The following DHX9 variants were observed in gnomAD, a reference collection of about 807,000 sequenced individuals.
The protein encoded by DHX9 is ATP-dependent RNA helicase A.
In DHX9, 27 loss-of-function variants were observed where a neutral mutation model predicts 148.7. That is an observed-to-expected ratio of 0.18 (90% CI 0.13 to 0.25). The LOEUF is 0.25. DHX9 is among the 10% of genes least tolerant of loss of function. DHX9 has a pLI of 1.00. For synonymous variants in DHX9, 529 were observed against 516.6 expected (o/e 1.02, Z -0.33); for missense variants, 796 against 1,559.6 (o/e 0.51, Z 8.25).
At chr1:182,848,584 G>C (rs1208805037) in intron 3 of DHX9, among the ~76,000 whole-genome samples, 1 of 151,966 alleles carries the variant, frequency 6.6e-6, no homozygotes, top group Non-Finnish European at 1.5e-5. Flanking sequence ...TTTTTTGGTT[G>C]ACTGAGTAAA....
chr1:182,842,406 C>T (rs1349714992), intron 1 of DHX9, 139 bp from the exon 2 acceptor site: 2 of 523,712 alleles, frequency 3.8e-6, no homozygotes, highest in African/African-American at 3.9e-5. Context: ...CCAATTATGT[C>T]GTTAAAATTT....
chr1:182,884,232 C>T (rs1441176379), intron 26 of DHX9, among the ~76,000 whole-genome samples: 2 of 152,128 alleles, frequency 1.3e-5, no homozygotes, highest in Non-Finnish European at 2.9e-5. Flanking sequence ...TATCACGCCA[C>T]TGCACTCCAG....
chr1:182,874,433 T>G (rs1264647708), intron 15 of DHX9, among the ~76,000 whole-genome samples: 2 of 152,226 alleles, frequency 1.3e-5, no homozygotes, highest in Non-Finnish European at 2.9e-5. Flanking sequence ...TCAACAGATC[T>G]TCCAGTCCTT....
In DHX9 at chr1:182,854,103, G is replaced by A; in HGVS notation, c.551G>A (p.Arg184His). The A allele has an allele frequency of 1.2e-6, 2 of 1,613,540 alleles. No homozygotes were observed. The highest frequency in any genetic ancestry group is 1.7e-6 in the Non-Finnish European group (2 of 1,179,806). ...GNWTLENAKA[R>H]LNQYFQKEKI... is the part of the protein sequence containing the mutation. ...TGGACCTTGGAAAATGCTAAAGCTCGTCTAAACCAATATTTTCAGAAAGAA... is the reference window on the plus strand; with the variant it reads ...TGGACCTTGGAAAATGCTAAAGCTCATCTAAACCAATATTTTCAGAAAGAA... The change falls in exon 6 of 28, where the codon CGT becomes CAT. Residue 184 changes from arginine (R) to histidine (H), a missense_variant. This residue lies in a region of DHX9 where 46 missense variants were observed against 136.3 expected (regional missense o/e 0.34). Transcript: ENST00000367549.
In DHX9 at chr1:182,887,851, C is replaced by G. The variant is rs1217182794; in HGVS notation, c.*417C>G. The stretch of plus-strand genomic sequence containing the variant: ...ATGTCAGAGAAGTTGTACCCTGTTT[C>G]AAAAGTATACTAAGTGATACTACTT... On this transcript the variant is annotated 3_prime_UTR_variant, in exon 28 of 28. Coordinates refer to ENST00000367549, the MANE Select transcript of DHX9 (RefSeq NM_001357.5). The G allele has an allele frequency of 2.3e-4, 42 of 179,516 alleles. No homozygotes were observed. Among genetic ancestry groups the G allele is most frequent in the Non-Finnish European group, 2.4e-5 (2 of 82,558 alleles). The allele number at this position is 179,516 out of a possible 1,614,324, so 11.1% of individuals were successfully genotyped here.
intron 3 of DHX9, among the ~76,000 whole-genome samples, chr1:182,844,784 T>C (rs1011992550): frequency 3.9e-5 from 6 of 152,212 alleles, no homozygotes; most frequent in African/African-American, 1.4e-4. Flanking sequence ...CCCAAAGTGC[T>C]GGGATTACAG....
chr1:182,866,008 A>G (rs1038442032), intron 12 of DHX9, among the ~76,000 whole-genome samples: 3 of 152,182 alleles, frequency 2.0e-5, no homozygotes, highest in African/African-American at 7.2e-5. Flanking sequence ...AAGTGCATTG[A>G]ATGTTTGATT....
In DHX9 at chr1:182,852,294, T is replaced by C; in HGVS notation, c.314T>C (p.Leu105Ser). The C allele has an allele frequency of 1.2e-6, 2 of 1,613,336 alleles. No individual in the cohort carries two copies. The highest frequency in any genetic ancestry group is 1.7e-6 in the Non-Finnish European group (2 of 1,179,744). The change falls in exon 4 of 28, where the codon TTA (leucine) becomes TCA (serine). Residue 105 changes from leucine to serine, a missense_variant. This residue lies in a region of DHX9 where 89 missense variants were observed against 77.5 expected (regional missense o/e 1.15). Coordinates refer to ENST00000367549, the MANE Select transcript of DHX9 (RefSeq NM_001357.5). ...ACTACAGCAAATGCTGAAGGAGATT[T>C]ACCAACAACCATGGGAGGACCTCTT... Reference protein sequence around the residue: ...PDTTANAEGDLPTTMGGPLPP... With the variant: ...PDTTANAEGDSPTTMGGPLPP...
chr1:182,856,542 G>A lies in DHX9; in HGVS notation c.637G>A (p.Ala213Thr). 2 of 1,613,800 alleles carry A rather than the reference G, an allele frequency of 1.2e-6. No homozygotes were observed. Among genetic ancestry groups the A allele is most frequent in the Non-Finnish European group, 1.7e-6 (2 of 1,179,872 alleles). ...VGPDHNRSFI[A>T]EMTIYIKQLG... ...TATATGTTGTTACAGGAGCTTTATTGCAGAAATGACCATTTATATCAAGCA... is the reference window on the plus strand; with the variant it reads ...TATATGTTGTTACAGGAGCTTTATTACAGAAATGACCATTTATATCAAGCA... Residue 213 changes from alanine to threonine, a missense_variant, in exon 7 of 28, where the codon GCA becomes ACA. Ala to Thr is a moderately conservative substitution (Grantham distance 58). Coordinates refer to ENST00000367549, the MANE Select transcript of DHX9 (RefSeq NM_001357.5).
At chr1:182,852,829 C>G (rs1343719393) in intron 4 of DHX9, among the ~76,000 whole-genome samples, 3 of 152,036 alleles carry the variant, frequency 2.0e-5, no homozygotes, top group Non-Finnish European at 4.4e-5. Flanking sequence ...TGTATAGTCA[C>G]AGCTTTTATT....
At chr1:182,853,477 C>T in intron 5 of DHX9, 59 bp downstream of exon 5, 1 of 1,297,312 alleles carries the variant, frequency 7.7e-7, no homozygotes, top group East Asian at 2.3e-5. Context: ...TAGTTAACAG[C>T]AAAGCTTAGG....
At chr1:182,856,416 A>ATTTTTTTTTT in intron 6 of DHX9, 116 bp from the exon 7 acceptor site, 2 of 728,976 alleles carry the variant, frequency 2.7e-6, no homozygotes, top group Non-Finnish European at 4.7e-6. Context: ...AATGTTGGTA[A>ATTTTTTTTTT]TTTTTTTTTT....
chr1:182,858,338 C>T (rs1177778375), intron 8 of DHX9, 98 bp downstream of exon 8: 3 of 1,409,788 alleles, frequency 2.1e-6, no homozygotes, highest in Non-Finnish European at 2.9e-6. Flanking sequence ...AAGAATCTTA[C>T]CTCAGGAAAT....
chr1:182,868,246 AAAAG>A (rs1453824732), intron 14 of DHX9, among the ~76,000 whole-genome samples: 6 of 152,196 alleles, frequency 3.9e-5, no homozygotes, highest in African/African-American at 7.2e-5. Flanking sequence ...ACATTATTCT[AAAAG>A]AAAGAAGCTA....
intron 11 of DHX9, among the ~76,000 whole-genome samples, chr1:182,859,438 G>A (rs1258063290): frequency 2.0e-5 from 3 of 152,050 alleles, no homozygotes; most frequent in Non-Finnish European, 4.4e-5. Context: ...CGACTTTCAG[G>A]GACAATGAGA....
rs554285734 is a variant in DHX9 at position 182,840,156 on chromosome 1, T to G, written c.-23+700T>G. Among the ~76,000 whole-genome samples, 3 of 152,066 alleles carry G rather than the reference T, an allele frequency of 2.0e-5. No individual in the cohort carries two copies. The East Asian group carries it at 5.8e-4, about 29-fold the overall frequency. On this transcript the variant is annotated intron_variant, in intron 1 of 27. Transcript: ENST00000367549. ...GAAACAAAAACCGTGTAGGACAATA[T>G]TTCACTAGCCCGGGTGTGCAGTAGT...
intron 12 of DHX9, among the ~76,000 whole-genome samples, chr1:182,865,242 C>G (rs1044099749): frequency 1.1e-4 from 16 of 152,202 alleles, no homozygotes; most frequent in Admixed American, 7.9e-4. Context: ...GTAGAATTCT[C>G]TTGATGGACA....
chr1:182,857,211 A>G (rs781346238), intron 7 of DHX9, among the ~76,000 whole-genome samples: 2 of 152,144 alleles, frequency 1.3e-5, no homozygotes, highest in Non-Finnish European at 2.9e-5. Flanking sequence ...ATACTAAGGG[A>G]GAGAGGATAA....
At chr1:182,857,070 A>G (rs951865223) in intron 7 of DHX9, among the ~76,000 whole-genome samples, 5 of 152,100 alleles carry the variant, frequency 3.3e-5, no homozygotes, top group African/African-American at 1.2e-4. Context: ...GATGGTCTCT[A>G]TCTCCTGACC....
Sources: gnomAD v4.1 joint callset for allele counts (sites outside exome capture counted in the v4.1 genomes callset) on GRCh38, gnomAD v4.1.1 for gene constraint, gnomAD v4.1.1 regional missense constraint, MANE v1.5 for transcripts, NCBI Gene and HGNC (gene_info 2026-07-23, HGNC 2026-07-21) for gene names.